NRXN1: variants seen among roughly 807,000 people sequenced by gnomAD.
NRXN1 encodes neurexin-1.
NRXN1 carries 39 observed loss-of-function variants against 150.9 expected under a neutral mutation model. The observed-to-expected ratio is 0.26, with a 90% CI of 0.20 to 0.34. The LOEUF is 0.34. Ranked by LOEUF, NRXN1 falls within the 10% of genes least tolerant of loss-of-function variation. NRXN1 has a pLI of 1.00. For missense variants in NRXN1, 1,815 were observed against 1,949.9 expected, an observed-to-expected ratio of 0.93 and a Z score of 1.30; for synonymous variants, 924 against 757.0, an observed-to-expected ratio of 1.22 and a Z score of -3.62.
At chr2:50,142,183 T>G (rs1159557530) in intron 18 of NRXN1, among the ~76,000 whole-genome samples, 1 of 151,976 alleles carries the variant, frequency 6.6e-6, no homozygotes, top group Non-Finnish European at 1.5e-5. Context: ...GGGCATTATG[T>G]TAGGTGAAAT....
chr2:50,337,803 TAAA>T (rs1034991350), intron 17 of NRXN1, among the ~76,000 whole-genome samples: 17 of 152,272 alleles, frequency 1.1e-4, no homozygotes, highest in African/African-American at 3.8e-4. Flanking sequence ...TTAATTCTAT[TAAA>T]AAGAAAAAAA....
rs140089808 is a variant in NRXN1, at chr2:50,053,457, G to A, written c.3942C>T (p.Asn1314=). 2.4e-5 allele frequency: 38 copies of A among 1,613,836 alleles called. No homozygotes were observed. The highest frequency in any genetic ancestry group is 3.3e-5 in the South Asian group (3 of 91,090). Residue 1314 remains asparagine, a synonymous_variant, in exon 21 of 23, where the codon AAC becomes AAT. Transcript: ENST00000401669. The part of the protein sequence containing the change: ...GLKVLNMAAE[N]DANIAIVGNV... ...TTCCCACTATGGCGATGTTGGCATC[G>A]TTTTCGGCTGCCATATTCAGAACTT... is the stretch of plus-strand genomic sequence containing the variant.
At chr2:50,767,226 G>C (rs1702482188) in intron 5 of NRXN1, among the ~76,000 whole-genome samples, 1 of 151,932 alleles carries the variant, frequency 6.6e-6, no homozygotes, top group Non-Finnish European at 1.5e-5. Flanking sequence ...AATGCCTTAG[G>C]TTGTGCAGTG....
intron 17 of NRXN1, among the ~76,000 whole-genome samples, chr2:50,296,850 T>C (rs1350600015): frequency 6.6e-6 from 1 of 151,244 alleles, no homozygotes; most frequent in Non-Finnish European, 1.5e-5. Context: ...CCTCCATCTA[T>C]GTTGCTGTAA....
intron 5 of NRXN1, among the ~76,000 whole-genome samples, chr2:50,909,283 C>A (rs1684194977): frequency 6.6e-6 from 1 of 151,960 alleles, no homozygotes; most frequent in Non-Finnish European, 1.5e-5. Context: ...TATGAGGTAA[C>A]AAGGTAACAA....
Position 50,325,436 on chromosome 2 carries a change from G to A in NRXN1, c.3365-88466C>T, listed in dbSNP as rs549687437. 2.6e-5 allele frequency among the ~76,000 whole-genome samples: 4 copies of A among 152,294 alleles called. No homozygotes were observed. In the East Asian group the frequency reaches 5.8e-4, roughly 22 times the overall value. Reference sequence around the variant, plus strand: ...TTTTCTAACCTCCCTTAGGGGGATGGGGACTAAAATTTGCTGCTGCTCTAG... The same window carrying A: ...TTTTCTAACCTCCCTTAGGGGGATGAGGACTAAAATTTGCTGCTGCTCTAG... On this transcript the variant is annotated intron_variant, in intron 17 of 22. Transcript: ENST00000401669.
At chr2:49,985,691 C>A (rs11896576) in intron 21 of NRXN1, among the ~76,000 whole-genome samples, 70,977 of 152,018 alleles carry the variant, frequency 0.47, 17,219 homozygotes, top group Middle Eastern at 0.61. Context: ...GGACACATCA[C>A]CAGTCACCTT....
At chr2:50,140,037 T>A (rs1387776440) in intron 18 of NRXN1, among the ~76,000 whole-genome samples, 1 of 152,136 alleles carries the variant, frequency 6.6e-6, no homozygotes, top group Non-Finnish European at 1.5e-5. Context: ...CACAGAGCAT[T>A]TTTAAATGAA....
chr2:50,722,352 T>A (rs1696774397), intron 5 of NRXN1, among the ~76,000 whole-genome samples: 1 of 152,038 alleles, frequency 6.6e-6, no homozygotes, highest in African/African-American at 2.4e-5. Context: ...TAAGAGATCA[T>A]AAAGGAAGAA....
intron 17 of NRXN1, among the ~76,000 whole-genome samples, chr2:50,357,148 G>C (rs1241783668): frequency 6.6e-6 from 1 of 151,946 alleles, no homozygotes; most frequent in Non-Finnish European, 1.5e-5. Context: ...AGGCATGGTG[G>C]TATATATCTG....
intron 18 of NRXN1, among the ~76,000 whole-genome samples, chr2:50,155,315 C>T (rs1050830959): frequency 6.6e-6 from 1 of 151,068 alleles, no homozygotes; most frequent in African/African-American, 2.4e-5. Flanking sequence ...GGGTAATGAC[C>T]AATAAGGAAC....
At chr2:50,335,890 GTTT>G (rs5831112) in intron 17 of NRXN1, among the ~76,000 whole-genome samples, 2 of 145,434 alleles carry the variant, frequency 1.4e-5, no homozygotes, top group African/African-American at 5.0e-5. Context: ...AGTCCTTTCT[GTTT>G]TTTTTTTTTT....
intron 18 of NRXN1, among the ~76,000 whole-genome samples, chr2:50,106,309 A>T (rs1169564633): frequency 6.6e-6 from 1 of 151,974 alleles, no homozygotes; most frequent in Admixed American, 6.6e-5. Context: ...CCAGAATGAG[A>T]GTTTTATGAA....
At chr2:50,966,746 A>C (rs776406051) in intron 2 of NRXN1, among the ~76,000 whole-genome samples, 2 of 151,876 alleles carry the variant, frequency 1.3e-5, no homozygotes, top group African/African-American at 2.4e-5. Context: ...GGGAGAAATG[A>C]ATGGGTAGTA....
At chr2:50,186,130 G>A (rs978576118) in intron 18 of NRXN1, among the ~76,000 whole-genome samples, 1 of 152,016 alleles carries the variant, frequency 6.6e-6, no homozygotes, top group Admixed American at 6.6e-5. Context: ...TGATTTGAAT[G>A]GGCCACTTCA....
intron 5 of NRXN1, among the ~76,000 whole-genome samples, chr2:50,719,802 TC>T: frequency 6.6e-6 from 1 of 152,334 alleles, no homozygotes; most frequent in Non-Finnish European, 1.5e-5. Flanking sequence ...GGTCTTTATC[TC>T]TCTCATCCTG....
chr2:50,513,020 G>A (rs1217979752), intron 12 of NRXN1, among the ~76,000 whole-genome samples: 1 of 152,132 alleles, frequency 6.6e-6, no homozygotes, highest in African/African-American at 2.4e-5. Context: ...TTTGAAAGCA[G>A]GTATTGCATT....
intron 17 of NRXN1, among the ~76,000 whole-genome samples, chr2:50,290,840 G>T (rs1230560435): frequency 6.6e-6 from 1 of 152,164 alleles, no homozygotes; most frequent in Non-Finnish European, 1.5e-5. Flanking sequence ...AGCTGTTCTA[G>T]AAGGCACTCT....
intron 21 of NRXN1, among the ~76,000 whole-genome samples, chr2:49,967,064 G>T (rs1173887791): frequency 6.6e-6 from 1 of 152,080 alleles, no homozygotes. Flanking sequence ...ATCGAACCCA[G>T]TGATAAATTT....
Sources: allele counts gnomAD v4.1 joint callset (sites outside exome capture counted in the v4.1 genomes callset), GRCh38; gene constraint gnomAD v4.1.1; transcripts MANE v1.5; gene names NCBI Gene and HGNC (gene_info 2026-07-23, HGNC 2026-07-21).